Variants in TNR observed in about 807,000 individuals in gnomAD.
TNR encodes the protein tenascin R.
A neutral mutation model predicts 150.4 loss-of-function variants in TNR; 45 were observed. That is an observed-to-expected ratio of 0.30 (90% CI 0.24 to 0.38). The LOEUF (loss-of-function observed/expected upper bound fraction) is 0.38. TNR is among the 10% of genes least tolerant of loss of function. TNR has a pLI of 1.00. For missense variants in TNR, 1,544 were observed against 1,759.1 expected, an observed-to-expected ratio of 0.88 and a Z score of 2.19; for synonymous variants, 687 against 678.4, an observed-to-expected ratio of 1.01 and a Z score of -0.20.
intron 2 of TNR, among the ~76,000 whole-genome samples, chr1:175,476,189 CT>C (rs748810031): frequency 6.2e-4 from 94 of 152,306 alleles, no homozygotes; most frequent in Non-Finnish European, 1.1e-3. Flanking sequence ...ATTTAACTGT[CT>C]CCCAGAGCCT....
At chr1:175,446,453 G>T (rs913266623) in intron 2 of TNR, among the ~76,000 whole-genome samples, 10 of 152,290 alleles carry the variant, frequency 6.6e-5, no homozygotes, top group African/African-American at 2.4e-4. Flanking sequence ...TTGTAGTTAT[G>T]GGTGACATAG....
At chr1:175,575,645 C>T (rs746239367) in intron 1 of TNR, among the ~76,000 whole-genome samples, 12 of 152,084 alleles carry the variant, frequency 7.9e-5, no homozygotes, top group Non-Finnish European at 4.4e-5. Flanking sequence ...TGAGGAAAGA[C>T]TTTGTGGAGG....
intron 2 of TNR, among the ~76,000 whole-genome samples, chr1:175,464,803 A>G (rs1656960066): frequency 6.6e-6 from 1 of 152,144 alleles, no homozygotes; most frequent in African/African-American, 2.4e-5. Context: ...AGTCATTGAC[A>G]ATATTTATTT....
chr1:175,700,006 G>A (rs1258562412), intron 1 of TNR, among the ~76,000 whole-genome samples: 1 of 151,944 alleles, frequency 6.6e-6, no homozygotes, highest in Non-Finnish European at 1.5e-5. Context: ...TTCATTAAAG[G>A]TAGTATCTAT....
At chr1:175,598,033 A>G (rs1663077652) in intron 1 of TNR, among the ~76,000 whole-genome samples, 1 of 152,198 alleles carries the variant, frequency 6.6e-6, no homozygotes, top group African/African-American at 2.4e-5. Context: ...CACCTTTATC[A>G]TCAACAAATA....
chr1:175,564,614 T>C (rs1245674167), intron 1 of TNR, among the ~76,000 whole-genome samples: 1 of 151,980 alleles, frequency 6.6e-6, no homozygotes, highest in African/African-American at 2.4e-5. Flanking sequence ...CAGGGTGCAA[T>C]TTGGTTTGAA....
Position 175,370,766 on chromosome 1 carries a change from G to A in TNR, c.1964-3469C>T, listed in dbSNP as rs142771172. 1.1e-3 allele frequency among the ~76,000 whole-genome samples: 170 copies of A among 152,278 alleles called. 2 individuals carry two copies. In the East Asian group the frequency reaches 0.031, roughly 28 times the overall value. ...CAACATAGATGAAGGGTGACAGATG[G>A]AGGGAGTAAGACAGAAATTATACGT... On this transcript the variant is annotated intron_variant, in intron 9 of 22. Coordinates refer to ENST00000367674, the MANE Select transcript of TNR (RefSeq NM_003285.3).
intron 9 of TNR, among the ~76,000 whole-genome samples, chr1:175,373,107 G>A (rs771675505): frequency 2.6e-5 from 4 of 152,172 alleles, no homozygotes; most frequent in Non-Finnish European, 5.9e-5. Flanking sequence ...CAGTAGCGGT[G>A]GTGGTGGGGA....
At chr1:175,543,555 T>A (rs576654080) in intron 1 of TNR, among the ~76,000 whole-genome samples, 2 of 152,264 alleles carry the variant, frequency 1.3e-5, no homozygotes, top group East Asian at 3.9e-4. Context: ...CTGGAGTACA[T>A]CATTCATTTA....
At chr1:175,672,853 T>C (rs1295918370) in intron 1 of TNR, among the ~76,000 whole-genome samples, 1 of 152,238 alleles carries the variant, frequency 6.6e-6, no homozygotes, top group Non-Finnish European at 1.5e-5. Flanking sequence ...TCTGCAATGC[T>C]GCTTCCTGCT....
chr1:175,650,653 G>A (rs1039145532), intron 1 of TNR, among the ~76,000 whole-genome samples: 1 of 78,154 alleles, frequency 1.3e-5, no homozygotes, highest in Non-Finnish European at 2.6e-5. Context: ...CATCAATACA[G>A]CCACTGTATT....
At chr1:175,385,742 A>T (rs1280511072) in intron 8 of TNR, among the ~76,000 whole-genome samples, 1 of 152,202 alleles carries the variant, frequency 6.6e-6, no homozygotes, top group Non-Finnish European at 1.5e-5. Context: ...CAAACTTGTC[A>T]TTTTACAAAC....
At chr1:175,424,680 TG>T (rs919686200) in intron 2 of TNR, among the ~76,000 whole-genome samples, 3 of 152,032 alleles carry the variant, frequency 2.0e-5, no homozygotes, top group African/African-American at 7.3e-5. Flanking sequence ...TCAGCAAGGA[TG>T]GGAGTTACAG....
At chr1:175,591,264 C>G (rs1321532492) in intron 1 of TNR, among the ~76,000 whole-genome samples, 4 of 152,148 alleles carry the variant, frequency 2.6e-5, no homozygotes, top group Non-Finnish European at 4.4e-5. Context: ...AGCCAGGGCT[C>G]TGTGTCCCTG....
rs563024734 is a variant in TNR, at chr1:175,658,401, C to A, written c.-165+84825G>T. Among the ~76,000 whole-genome samples the A allele has an allele frequency of 1.2e-4, 18 of 152,310 alleles. No homozygotes were observed. The South Asian group carries it at 3.7e-3, about 32-fold the overall frequency. On this transcript the variant is annotated intron_variant, in intron 1 of 22. Coordinates refer to ENST00000367674, the MANE Select transcript of TNR (RefSeq NM_003285.3). ...CTCACACTCTCAGGAGGCAGGCCAA[C>A]CCTGTGGGTGAGGAAGTTGTTCCTA...
chr1:175,556,269 A>G (rs1187450786), intron 1 of TNR, among the ~76,000 whole-genome samples: 1 of 152,204 alleles, frequency 6.6e-6, no homozygotes, highest in Non-Finnish European at 1.5e-5. Context: ...CAAGCTCAAC[A>G]CACCCACATC....
intron 1 of TNR, among the ~76,000 whole-genome samples, chr1:175,674,885 C>T (rs927309666): frequency 6.6e-5 from 10 of 152,222 alleles, no homozygotes; most frequent in Non-Finnish European, 1.0e-4. Context: ...TTGTGACAAA[C>T]ATTTAATACC....
intron 2 of TNR, among the ~76,000 whole-genome samples, chr1:175,418,296 G>C (rs1253318534): frequency 6.6e-6 from 1 of 152,128 alleles, no homozygotes; most frequent in Non-Finnish European, 1.5e-5. Flanking sequence ...AGAGGTATGG[G>C]AACTTCTTCT....
intron 1 of TNR, among the ~76,000 whole-genome samples, chr1:175,661,550 C>T (rs2101896925): frequency 6.6e-6 from 1 of 152,182 alleles, no homozygotes; most frequent in African/African-American, 2.4e-5. Flanking sequence ...CGTTGTACTG[C>T]TCCACCCAAG....
Sources: gnomAD v4.1 joint callset for allele counts (sites outside exome capture counted in the v4.1 genomes callset) on GRCh38, gnomAD v4.1.1 for gene constraint, MANE v1.5 for transcripts, NCBI Gene and HGNC (gene_info 2026-07-23, HGNC 2026-07-21) for gene names.